MAN1C1: variants seen among roughly 807,000 people sequenced by gnomAD.
MAN1C1 encodes mannosidase alpha class 1C member 1.
A neutral mutation model predicts 71.5 loss-of-function variants in MAN1C1; 49 were observed. The observed-to-expected ratio is 0.69, with a 90% CI of 0.54 to 0.87. The LOEUF (loss-of-function observed/expected upper bound fraction) is 0.87. Among genes scored for constraint, MAN1C1 ranks in the 40% least tolerant of loss-of-function variants. MAN1C1 has a pLI of 0.00. For missense variants in MAN1C1, 743 were observed against 835.0 expected (o/e 0.89, Z 1.36); for synonymous variants, 352 against 343.7 (o/e 1.02, Z -0.27).
At chr1:25,740,621 A>G (rs111977452) in intron 2 of MAN1C1, among the ~76,000 whole-genome samples, 3 of 152,242 alleles carry the variant, frequency 2.0e-5, no homozygotes, top group African/African-American at 7.2e-5. Flanking sequence ...TATTTTTAGT[A>G]GAGACGGGGT....
At chr1:25,629,430 C>T (rs917171849) in intron 1 of MAN1C1, among the ~76,000 whole-genome samples, 1 of 151,976 alleles carries the variant, frequency 6.6e-6, no homozygotes, top group Non-Finnish European at 1.5e-5. Flanking sequence ...TGTCATTTGC[C>T]TACTTAATTA....
At chr1:25,632,423 T>C (rs746733495) in intron 1 of MAN1C1, among the ~76,000 whole-genome samples, 30 of 152,312 alleles carry the variant, frequency 2.0e-4, no homozygotes, top group South Asian at 8.3e-4. Context: ...TAATGGTCTA[T>C]CAATTTTGTT....
chr1:25,737,420 C>T (rs1035010739), intron 2 of MAN1C1, among the ~76,000 whole-genome samples: 2 of 152,234 alleles, frequency 1.3e-5, no homozygotes, highest in Non-Finnish European at 2.9e-5. Flanking sequence ...CAGGGATTTC[C>T]TTGGTAGCTG....
chr1:25,751,792 T>A (rs577106534), intron 4 of MAN1C1, among the ~76,000 whole-genome samples: 4 of 152,318 alleles, frequency 2.6e-5, no homozygotes, highest in Admixed American at 6.5e-5. Flanking sequence ...GGTCGCACAG[T>A]GTCTGAGGGT....
intron 6 of MAN1C1, chr1:25,759,720 A>G (rs574239701): frequency 6.6e-6 from 1 of 152,242 alleles, no homozygotes; most frequent in East Asian, 1.9e-4. Flanking sequence ...TACATTTTTA[A>G]TATGCATTCA....
chr1:25,622,782 T>C (rs912159829), intron 1 of MAN1C1, among the ~76,000 whole-genome samples: 11 of 152,260 alleles, frequency 7.2e-5, no homozygotes, highest in Admixed American at 5.9e-4. Flanking sequence ...GGTTATGATA[T>C]GTGACAGTGT....
chr1:25,723,850 T>C (rs2046798378), intron 2 of MAN1C1, among the ~76,000 whole-genome samples: 1 of 152,172 alleles, frequency 6.6e-6, no homozygotes, highest in African/African-American at 2.4e-5. Flanking sequence ...GACTAAAGGA[T>C]TGAGGGGTAC....
intron 1 of MAN1C1, among the ~76,000 whole-genome samples, chr1:25,661,344 G>A: frequency 6.6e-6 from 1 of 152,208 alleles, no homozygotes; most frequent in East Asian, 1.9e-4. Flanking sequence ...CCAGGCACCA[G>A]GGACACAGCA....
At chr1:25,700,751 T>C (rs2046431060) in intron 2 of MAN1C1, among the ~76,000 whole-genome samples, 1 of 152,180 alleles carries the variant, frequency 6.6e-6, no homozygotes, top group Admixed American at 6.5e-5. Context: ...GGAGGTAGGC[T>C]GGGGTGGTAG....
intron 4 of MAN1C1, among the ~76,000 whole-genome samples, chr1:25,749,705 G>A (rs567197544): frequency 6.6e-6 from 1 of 152,316 alleles, no homozygotes; most frequent in African/African-American, 2.4e-5. Context: ...TTCTCTGAGA[G>A]CAGCAGCTGG....
Position 25,778,210 on chromosome 1 carries a change from T to C in MAN1C1, c.1363T>C (p.Ser455Pro). 4 of 1,613,848 alleles carry C rather than the reference T, an allele frequency of 2.5e-6. No homozygotes were observed. Among genetic ancestry groups the C allele is most frequent in the Non-Finnish European group, 3.4e-6 (4 of 1,179,880 alleles). ...DHKMGHLACFSGGMIALGAED... is the reference protein window; with the variant it reads ...DHKMGHLACFPGGMIALGAED... Reference sequence around the variant, plus strand: ...CAAGATGGGGCACCTGGCCTGTTTCTCCGGGGGCATGATCGCCCTTGGCGC... The same window carrying C: ...CAAGATGGGGCACCTGGCCTGTTTCCCCGGGGGCATGATCGCCCTTGGCGC... The change falls in exon 9 of 12, where the codon TCC becomes CCC. Residue 455 changes from serine (S) to proline (P), a missense_variant. Ser to Pro is a moderately conservative substitution (Grantham distance 74, BLOSUM62 -1). Coordinates refer to ENST00000374332, the MANE Select transcript of MAN1C1 (RefSeq NM_020379.4). This position sits in a 1 kb window ranked among gnomAD's most constrained non-coding sequence, Gnocchi z 5.5.
chr1:25,681,836 G>T (rs1265620449), intron 1 of MAN1C1, among the ~76,000 whole-genome samples: 1 of 151,876 alleles, frequency 6.6e-6, no homozygotes, highest in Non-Finnish European at 1.5e-5. Flanking sequence ...CATCCTAGTG[G>T]GACTAATAGG....
chr1:25,620,932 C>G (rs1215821368), intron 1 of MAN1C1, among the ~76,000 whole-genome samples: 1 of 152,220 alleles, frequency 6.6e-6, no homozygotes, highest in Non-Finnish European at 1.5e-5. Flanking sequence ...CTAGAACCAA[C>G]TGTTTTTCCT....
intron 1 of MAN1C1, among the ~76,000 whole-genome samples, chr1:25,680,651 C>A (rs1053440157): frequency 1.3e-5 from 2 of 152,228 alleles, no homozygotes. Context: ...GTGCTTCATT[C>A]CTTTTTCCAT....
chr1:25,725,156 TGAA>T lies in MAN1C1; in HGVS notation c.638-21509_638-21507del. ...AGCTCTGGTCAATACCAATGTGGTG[TGAA>T]GACAAAAGGCTCAGTTTGCTCCTCT... On this transcript the variant is annotated intron_variant, in intron 2 of 11. Transcript: ENST00000374332. The surrounding 1 kb of genome is among the most constrained non-coding windows in gnomAD (Gnocchi z 4.8). 6.6e-6 allele frequency among the ~76,000 whole-genome samples: 1 copy of T among 152,168 alleles called. No homozygotes were observed. Among genetic ancestry groups the T allele is most frequent in the East Asian group, 1.9e-4 (1 of 5,198 alleles).
chr1:25,738,815 A>C (rs1169296554), intron 2 of MAN1C1, among the ~76,000 whole-genome samples: 1 of 152,122 alleles, frequency 6.6e-6, no homozygotes, highest in African/African-American at 2.4e-5. Context: ...TGGTTCCAAG[A>C]TCCAACATTC....
chr1:25,738,454 C>T (rs1171865373), intron 2 of MAN1C1, among the ~76,000 whole-genome samples: 1 of 152,150 alleles, frequency 6.6e-6, no homozygotes, highest in Non-Finnish European at 1.5e-5. Flanking sequence ...AAAAACATTC[C>T]AGTTGCTATT....
At chr1:25,713,327 G>A in intron 2 of MAN1C1, among the ~76,000 whole-genome samples, 1 of 152,238 alleles carries the variant, frequency 6.6e-6, no homozygotes, top group East Asian at 1.9e-4. Context: ...GTGAGATGGT[G>A]CCATACCCAC....
At chr1:25,762,452 T>C (rs1189053053) in intron 6 of MAN1C1, among the ~76,000 whole-genome samples, 1 of 151,696 alleles carries the variant, frequency 6.6e-6, no homozygotes, top group Non-Finnish European at 1.5e-5. Context: ...TTTTCTTTTT[T>C]TTTTTTGAGA....
Sources: allele counts gnomAD v4.1 joint callset (sites outside exome capture counted in the v4.1 genomes callset), GRCh38; gene constraint gnomAD v4.1.1; non-coding constraint Gnocchi (gnomAD v3.1); transcripts MANE v1.5; gene names NCBI Gene and HGNC (gene_info 2026-07-23, HGNC 2026-07-21).